AP4E1: variants seen among roughly 807,000 people sequenced by gnomAD.
AP4E1 encodes AP-4 complex subunit epsilon-1.
Under a neutral mutation model 128.2 loss-of-function variants are expected in AP4E1, and 56 were observed. The ratio of observed to expected loss-of-function variants is 0.44; its 90% CI spans 0.35 to 0.55. The LOEUF (loss-of-function observed/expected upper bound fraction) is 0.55. AP4E1 is among the 20% of genes least tolerant of loss of function. The pLI is 0.00. For synonymous variants in AP4E1, 484 were observed against 473.1 expected, an observed-to-expected ratio of 1.02 and a Z score of -0.30; for missense variants, 1,324 against 1,307.7, an observed-to-expected ratio of 1.01 and a Z score of -0.19.
At chr15:50,999,286 T>A (rs761075441) in intron 19 of AP4E1, 24 bp downstream of exon 19, 1 of 1,589,660 alleles carries the variant, frequency 6.3e-7, no homozygotes, top group Admixed American at 1.7e-5. Flanking sequence ...GAAATGTTAA[T>A]TCAAGTTGTT....
In AP4E1 at chr15:51,002,578, A is replaced by G. The variant is rs2140941169; in HGVS notation, c.3330A>G (p.Val1110=). 2 of 1,614,184 alleles carry G rather than the reference A, an allele frequency of 1.2e-6. No individual in the cohort carries two copies. Among genetic ancestry groups the G allele is most frequent in the Middle Eastern group, 1.7e-4 (1 of 6,060 alleles). ...TGCATTGCCGAGTTCATGCAGATGT[A>G]TTAGCCCTGTGGTTCAGATCCTCCT... ...CLLHCRVHAD[V]LALWFRSSCS... is the part of the protein sequence containing the mutation. Residue 1110 remains valine, a synonymous_variant, in exon 21 of 21, where the codon GTA becomes GTG. Coordinates refer to ENST00000261842, the MANE Select transcript of AP4E1 (RefSeq NM_007347.5).
intron 15 of AP4E1, among the ~76,000 whole-genome samples, chr15:50,983,669 C>T (rs369126657): frequency 4.6e-5 from 7 of 152,292 alleles, no homozygotes; most frequent in African/African-American, 1.7e-4. Flanking sequence ...GTCACCTCTT[C>T]ATTATAACTC....
chr15:50,993,758 A>C (rs2064834356), intron 17 of AP4E1, 133 bp downstream of exon 17: 3 of 1,065,794 alleles, frequency 2.8e-6, no homozygotes, highest in East Asian at 4.8e-5. Flanking sequence ...ACTCACCATC[A>C]TTTCCCAGCT....
chr15:50,949,958 C>G lies in AP4E1; in HGVS notation c.1429+20C>G. On this transcript the variant is annotated intron_variant, in intron 12 of 20. Coordinates refer to ENST00000261842, the MANE Select transcript of AP4E1 (RefSeq NM_007347.5). ...CGGAAGGTTGGTACACTATTATATTCTGTAAAGTAAACATTTTAAAGTTTA... is the reference window on the plus strand; with the variant it reads ...CGGAAGGTTGGTACACTATTATATTGTGTAAAGTAAACATTTTAAAGTTTA... 2.5e-6 allele frequency: 4 copies of G among 1,598,708 alleles called. No homozygotes were observed. The highest frequency in any genetic ancestry group is 3.4e-6 in the Non-Finnish European group (4 of 1,166,154).
Position 50,911,792 on chromosome 15 carries a change from TA to T in AP4E1, c.151-277del, listed in dbSNP as rs1021105331. On this transcript the variant is annotated intron_variant, in intron 1 of 20. Transcript: ENST00000261842. ...TGTGCCCGGCTTCCACCTTTAGTTT[TA>T]AAAAAAAACATTTTCTGCTATTCTA... Among the ~76,000 whole-genome samples, 11 of 151,220 alleles carry T rather than the reference TA, an allele frequency of 7.3e-5. No individual in the cohort carries two copies. The South Asian group carries it at 8.4e-4, about 12-fold the overall frequency.
chr15:50,927,320 A>T (rs1333218198), intron 5 of AP4E1, among the ~76,000 whole-genome samples: 1 of 152,186 alleles, frequency 6.6e-6, no homozygotes, highest in African/African-American at 2.4e-5. Flanking sequence ...TGGAGTAAAG[A>T]GCTGACGAAT....
At chr15:50,947,042 G>A (rs927833578) in intron 10 of AP4E1, among the ~76,000 whole-genome samples, 5 of 151,946 alleles carry the variant, frequency 3.3e-5, no homozygotes, top group African/African-American at 9.7e-5. Context: ...TTGGTGGCAC[G>A]CTGAGATCCT....
chr15:50,907,760 TC>T (rs2063505123), upstream of AP4E1, among the ~76,000 whole-genome samples: 1 of 152,204 alleles, frequency 6.6e-6, no homozygotes, highest in Non-Finnish European at 1.5e-5. Context: ...AGAAACGTTA[TC>T]AATGTTGTTT....
In AP4E1 at chr15:50,950,032, T is replaced by G; in HGVS notation, c.1430-19T>G. 6.3e-7 allele frequency: 1 copy of G among 1,591,674 alleles called. No homozygotes were observed. Among genetic ancestry groups the G allele is most frequent in the Non-Finnish European group, 8.6e-7 (1 of 1,159,880 alleles). On this transcript the variant is annotated intron_variant, in intron 12 of 20. Transcript: ENST00000261842. ...GATAAGTTTGTGGAAATTAAAATGG[T>G]GTATCAATTTCTTTGTAGGTTTTGA...
intron 3 of AP4E1, among the ~76,000 whole-genome samples, chr15:50,920,096 G>T (rs932549898): frequency 2.4e-5 from 3 of 124,794 alleles, no homozygotes; most frequent in Non-Finnish European, 3.4e-5. Flanking sequence ...AAAAAAAAAA[G>T]ATAAAATTTA....
At position 50,932,472 on chromosome 15, in the gene AP4E1, G is replaced by A. The variant is rs115631792; in HGVS notation, c.869+1501G>A. ...TATTTTTATTTTAAAAACTATTTCCGAGTTGCTTGAGAGCAAGCCCCTTGA... is the reference window on the plus strand; with the variant it reads ...TATTTTTATTTTAAAAACTATTTCCAAGTTGCTTGAGAGCAAGCCCCTTGA... On this transcript the variant is annotated intron_variant, in intron 7 of 20. Coordinates refer to ENST00000261842, the MANE Select transcript of AP4E1 (RefSeq NM_007347.5). Among the ~76,000 whole-genome samples the A allele has an allele frequency of 4.0e-3, 606 of 152,234 alleles. 4 individuals carry two copies. Among genetic ancestry groups the A allele is most frequent in the African/African-American group, 0.014 (581 of 41,540 alleles).
At chr15:50,993,277 C>T in intron 16 of AP4E1, 93 bp from the exon 17 acceptor site, 2 of 1,338,672 alleles carry the variant, frequency 1.5e-6, no homozygotes, top group South Asian at 2.5e-5. Flanking sequence ...TTTTAAAAGG[C>T]CATGGGCATT....
rs376935620 is a variant in AP4E1, at chr15:50,941,682, C to G, written c.1083C>G (p.Thr361=). ...TGTTTCTAGGACTGAAGGCTCTTACCTATGTTATCCAACAGGATCCTACTC... is the reference window on the plus strand; with the variant it reads ...TGTTTCTAGGACTGAAGGCTCTTACGTATGTTATCCAACAGGATCCTACTC... ...NLKYLGLKAL[T]YVIQQDPTLA... is the part of the protein sequence containing the mutation. The change falls in exon 10 of 21, where the codon ACC becomes ACG. Residue 361 remains threonine (T), a synonymous_variant. Coordinates refer to ENST00000261842, the MANE Select transcript of AP4E1 (RefSeq NM_007347.5). 1 of 1,613,472 alleles carries G rather than the reference C, an allele frequency of 6.2e-7. No homozygotes were observed. Among genetic ancestry groups the G allele is most frequent in the East Asian group, 2.2e-5 (1 of 44,832 alleles).
chr15:51,002,209 A>G (rs1388741783), intron 20 of AP4E1, among the ~76,000 whole-genome samples: 1 of 152,142 alleles, frequency 6.6e-6, no homozygotes, highest in Non-Finnish European at 1.5e-5. Context: ...AAACCACCAT[A>G]TCATTTTCAC....
chr15:50,938,968 G>A (rs1185097081), intron 8 of AP4E1, among the ~76,000 whole-genome samples: 2 of 152,106 alleles, frequency 1.3e-5, no homozygotes, highest in East Asian at 3.8e-4. Flanking sequence ...CTATTCTGAG[G>A]GATAAGGTGT....
intron 10 of AP4E1, chr15:50,944,648 A>G: frequency 2.8e-6 from 1 of 359,756 alleles, no homozygotes; most frequent in Non-Finnish European, 5.1e-6. Flanking sequence ...GTCCGGCCAG[A>G]AGAGCAACCA....
intron 3 of AP4E1, among the ~76,000 whole-genome samples, chr15:50,917,816 C>G (rs971441550): frequency 6.6e-6 from 1 of 152,102 alleles, no homozygotes; most frequent in Non-Finnish European, 1.5e-5. Flanking sequence ...AGTTACAGTA[C>G]AGGCCGGGTA....
rs923163382 is a variant in AP4E1 at position 50,944,901 on chromosome 15, A to G, written c.1177-3119A>G. On this transcript the variant is annotated intron_variant, in intron 10 of 20. Transcript: ENST00000261842. ...GGCAAAGCATCCAAAGAACCTGGCTACTGTCCTTTCTGGGGCGTGTGATGG... is the reference window on the plus strand; with the variant it reads ...GGCAAAGCATCCAAAGAACCTGGCTGCTGTCCTTTCTGGGGCGTGTGATGG... 3 of 803,552 alleles carry G rather than the reference A, an allele frequency of 3.7e-6. No homozygotes were observed. In the East Asian group the frequency reaches 7.3e-5, roughly 20 times the overall value. 49.8% of individuals were successfully genotyped at this position (803,552 alleles called of 1,614,324 possible). A position where few individuals can be genotyped will look rare whatever the true frequency, so the allele number is the denominator to read the frequency against.
intron 13 of AP4E1, 53 bp from the exon 14 acceptor site, chr15:50,958,439 T>G (rs1041607241): frequency 2.8e-5 from 41 of 1,466,182 alleles, no homozygotes; most frequent in Non-Finnish European, 3.7e-5. Context: ...TTTAGTATAG[T>G]CTACTGTATA....
Sources: gnomAD v4.1 joint callset for allele counts (sites outside exome capture counted in the v4.1 genomes callset) on GRCh38, gnomAD v4.1.1 for gene constraint, MANE v1.5 for transcripts, NCBI Gene and HGNC (gene_info 2026-07-23, HGNC 2026-07-21) for gene names.